GARRE1: variants seen among roughly 807,000 people sequenced by gnomAD.
GARRE1 encodes granule associated Rac and RHOG effector 1, also known as granule associated Rac and RHOG effector protein 1.
In GARRE1, 49 loss-of-function variants were observed where a neutral mutation model predicts 103.2. The observed-to-expected ratio is 0.47, with a 90% confidence interval of 0.38 to 0.60. The LOEUF (loss-of-function observed/expected upper bound fraction) is 0.60. GARRE1 is among the 20% of genes least tolerant of loss of function. The pLI is 0.00. For synonymous variants in GARRE1, 505 were observed against 532.8 expected, an observed-to-expected ratio of 0.95 and a Z score of 0.72; for missense variants, 1,199 against 1,370.5, an observed-to-expected ratio of 0.87 and a Z score of 1.98.
At chr19:34,339,310 C>T (rs1599780048) in intron 8 of GARRE1, among the ~76,000 whole-genome samples, 2 of 152,300 alleles carry the variant, frequency 1.3e-5, no homozygotes, top group Admixed American at 6.5e-5. Context: ...GCTATAATGG[C>T]TCACAGAACT....
In GARRE1 at chr19:34,341,481, A is replaced by T. The variant is rs779266578; in HGVS notation, c.1547A>T (p.Asn516Ile). The part of the protein sequence containing the change: ...QLQREICDFG[N>I]QADLPSGNGN... Reference sequence around the variant, plus strand: ...CAAAGGGAGATCTGTGATTTTGGCAACCAGGCTGACCTGCCTTCTGGAAAT... The same window carrying T: ...CAAAGGGAGATCTGTGATTTTGGCATCCAGGCTGACCTGCCTTCTGGAAAT... The change falls in exon 10 of 14, where the codon AAC (asparagine) becomes ATC (isoleucine). Residue 516 changes from asparagine (N) to isoleucine (I), a missense_variant. Coordinates refer to ENST00000299505, the MANE Select transcript of GARRE1 (RefSeq NM_014686.5). 7 of 1,614,136 alleles carry T rather than the reference A, an allele frequency of 4.3e-6. No individual in the cohort carries two copies. The highest frequency in any genetic ancestry group is 5.9e-6 in the Non-Finnish European group (7 of 1,180,024).
In GARRE1 at chr19:34,353,037, A is replaced by G. The variant is rs752147691; in HGVS notation, c.*82A>G. ...GAGTGTCCCCACCCCAGGGCCACTT[A>G]GCTGACACCAGCCCCTCAGAGGACC... On this transcript the variant is annotated 3_prime_UTR_variant, in exon 14 of 14. Transcript: ENST00000299505. 108 of 1,283,866 alleles carry G rather than the reference A, an allele frequency of 8.4e-5. No individual in the cohort carries two copies. The highest frequency in any genetic ancestry group is 1.1e-4 in the Non-Finnish European group (100 of 947,804). 79.5% of individuals were successfully genotyped at this position (1,283,866 alleles called of 1,614,324 possible).
chr19:34,348,911 T>G, intron 11 of GARRE1, 105 bp from the exon 12 acceptor site: 1 of 1,326,706 alleles, frequency 7.5e-7, no homozygotes, highest in Non-Finnish European at 1.0e-6. Context: ...GAGACCACTA[T>G]TTGGTTATGG....
chr19:34,284,838 G>A (rs2073876689), intron 1 of GARRE1, among the ~76,000 whole-genome samples: 1 of 152,158 alleles, frequency 6.6e-6, no homozygotes, highest in Non-Finnish European at 1.5e-5. Context: ...ATATGAGGGT[G>A]GAGAAGCATG....
chr19:34,339,972 A>C lies in GARRE1; in HGVS notation c.1467A>C (p.Leu489=), dbSNP rs1257634527. Residue 489 remains leucine (L), a synonymous_variant, in exon 9 of 14, where the codon CTA becomes CTC. Coordinates refer to ENST00000299505, the MANE Select transcript of GARRE1 (RefSeq NM_014686.5). ...TGCTCTACACAGCTGTGCTGGACCT[A>C]AACCGCTGGAGGGCTGGAAGGTTGG... The part of the protein sequence containing the change: ...VDVLYTAVLD[L]NRWRAGREQA... The C allele has an allele frequency of 6.2e-7, 1 of 1,614,194 alleles. No individual in the cohort carries two copies. Among genetic ancestry groups the C allele is most frequent in the East Asian group, 2.2e-5 (1 of 44,886 alleles).
rs754962398 is a variant in GARRE1, at chr19:34,300,618, G to A, written c.145G>A (p.Ala49Thr). The A allele has an allele frequency of 1.2e-6, 2 of 1,613,452 alleles. No homozygotes were observed. The highest frequency in any genetic ancestry group is 3.3e-5 in the Admixed American group (2 of 60,032). ...RALSAPLASTATTAPLGSLTA... is the reference protein window; with the variant it reads ...RALSAPLASTTTTAPLGSLTA... ...ACTGAGTGCTCCCCTGGCATCCACG[G>A]CCACCACTGCCCCCCTGGGCAGTCT... Residue 49 changes from alanine (A) to threonine (T), a missense_variant, in exon 2 of 14, where the codon GCC becomes ACC. Ala to Thr is a moderately conservative substitution (Grantham distance 58). Transcript: ENST00000299505.
chr19:34,296,152 C>CTTTTT (rs5827899), intron 1 of GARRE1: 4 of 282,998 alleles, frequency 1.4e-5, no homozygotes, highest in Admixed American at 5.1e-5. Flanking sequence ...GGATCCCTCG[C>CTTTTT]TTTTTTTTTT....
At chr19:34,256,745 T>C (rs1184013042) in intron 1 of GARRE1, among the ~76,000 whole-genome samples, 4 of 152,192 alleles carry the variant, frequency 2.6e-5, no homozygotes, top group Admixed American at 2.6e-4. Context: ...AAAGTTCATA[T>C]TTACATTTTG....
intron 1 of GARRE1, among the ~76,000 whole-genome samples, chr19:34,287,010 G>A (rs374079460): frequency 6.6e-6 from 1 of 151,770 alleles, no homozygotes; most frequent in East Asian, 2.0e-4. Flanking sequence ...ATGGTGGCGG[G>A]CGCCTGTAGT....
intron 8 of GARRE1, among the ~76,000 whole-genome samples, chr19:34,337,160 TC>T (rs2074165010): frequency 1.3e-5 from 2 of 151,016 alleles, no homozygotes; most frequent in African/African-American, 4.9e-5. Context: ...TTGCTATCCA[TC>T]CATGCTTTGT....
intron 1 of GARRE1, among the ~76,000 whole-genome samples, chr19:34,288,735 C>CT (rs2073900833): frequency 6.6e-6 from 1 of 152,204 alleles, no homozygotes; most frequent in Admixed American, 6.5e-5. Context: ...TGAGTTTTGA[C>CT]TTTCTTTTTC....
chr19:34,300,631 C>T lies in GARRE1; in HGVS notation c.158C>T (p.Pro53Leu). The T allele has an allele frequency of 6.2e-7, 1 of 1,613,704 alleles. No homozygotes were observed. Among genetic ancestry groups the T allele is most frequent in the Non-Finnish European group, 8.5e-7 (1 of 1,179,992 alleles). Residue 53 changes from proline (P) to leucine (L), a missense_variant, in exon 2 of 14, where the codon CCC (proline) becomes CTC (leucine). Physicochemically the swap from Pro to Leu is moderately conservative, Grantham distance 98. Coordinates refer to ENST00000299505, the MANE Select transcript of GARRE1 (RefSeq NM_014686.5). The part of the protein sequence containing the change: ...APLASTATTA[P>L]LGSLTAAGSC... Reference sequence around the variant, plus strand: ...CTGGCATCCACGGCCACCACTGCCCCCCTGGGCAGTCTGACCGCTGCAGGC... The same window carrying T: ...CTGGCATCCACGGCCACCACTGCCCTCCTGGGCAGTCTGACCGCTGCAGGC...
chr19:34,339,937 C>T lies in GARRE1; in HGVS notation c.1432C>T (p.Leu478=). Reference sequence around the variant, plus strand: ...CCTTGATCCTGAGAAGACCCTGGGTCTAGTGGACGTGCTCTACACAGCTGT... The same window carrying T: ...CCTTGATCCTGAGAAGACCCTGGGTTTAGTGGACGTGCTCTACACAGCTGT... ...RSLDPEKTLG[L]VDVLYTAVLD... The change falls in exon 9 of 14, where the codon CTA becomes TTA. Residue 478 remains leucine, a synonymous_variant. Transcript: ENST00000299505. 6.2e-7 allele frequency: 1 copy of T among 1,613,826 alleles called. No homozygotes were observed. Among genetic ancestry groups the T allele is most frequent in the Non-Finnish European group, 8.5e-7 (1 of 1,179,932 alleles).
rs763115746 is a variant in GARRE1, at chr19:34,352,858, A to G, written c.3116A>G (p.Gln1039Arg). ...AAFSYVQTPPQPPPPPAHKAA... is the reference protein window; with the variant it reads ...AAFSYVQTPPRPPPPPAHKAA... ...TTCTCCTATGTGCAGACCCCACCCCAGCCCCCACCCCCACCAGCACACAAG... is the reference window on the plus strand; with the variant it reads ...TTCTCCTATGTGCAGACCCCACCCCGGCCCCCACCCCCACCAGCACACAAG... The change falls in exon 14 of 14, where the codon CAG becomes CGG. Residue 1039 changes from glutamine to arginine, a missense_variant. Physicochemically the swap from Gln to Arg is conservative, Grantham distance 43 (BLOSUM62 1). Coordinates refer to ENST00000299505, the MANE Select transcript of GARRE1 (RefSeq NM_014686.5). The G allele has an allele frequency of 9.6e-7, 1 of 1,037,078 alleles. No individual in the cohort carries two copies. Among genetic ancestry groups the G allele is most frequent in the Non-Finnish European group, 1.4e-6 (1 of 697,170 alleles). 64.2% of individuals were successfully genotyped at this position (1,037,078 alleles called of 1,614,324 possible).
At chr19:34,262,174 G>A (rs1455062594) in intron 1 of GARRE1, among the ~76,000 whole-genome samples, 4 of 151,616 alleles carry the variant, frequency 2.6e-5, no homozygotes, top group Non-Finnish European at 5.9e-5. Context: ...TAATAGAGGC[G>A]GGGTTTCACC....
chr19:34,304,374 A>AT (rs1227745814), intron 2 of GARRE1, among the ~76,000 whole-genome samples: 11,395 of 113,672 alleles, frequency 0.1, 867 homozygotes, highest in African/African-American at 0.21. Flanking sequence ...CATCTTTGTA[A>AT]TTTTTTTTTT....
chr19:34,287,960 T>C (rs933978109), intron 1 of GARRE1, among the ~76,000 whole-genome samples: 4 of 152,188 alleles, frequency 2.6e-5, no homozygotes, highest in Admixed American at 1.3e-4. Context: ...CCCTTAGTTG[T>C]GGGCAATTCA....
chr19:34,341,137 C>T (rs1001004904), intron 9 of GARRE1, among the ~76,000 whole-genome samples: 3 of 152,142 alleles, frequency 2.0e-5, no homozygotes, highest in Middle Eastern at 3.2e-3. Flanking sequence ...AAGTTGCATC[C>T]CCACATCTAG....
intron 1 of GARRE1, chr19:34,296,700 C>T: frequency 2.1e-5 from 16 of 764,084 alleles, no homozygotes; most frequent in Non-Finnish European, 3.2e-5. Context: ...GTGCCATTTT[C>T]GGGACTGGTT....
Sources: gnomAD v4.1 joint callset for allele counts (sites outside exome capture counted in the v4.1 genomes callset) on GRCh38, gnomAD v4.1.1 for gene constraint, MANE v1.5 for transcripts, NCBI Gene and HGNC (gene_info 2026-07-23, HGNC 2026-07-21) for gene names.